Variants in LINGO2 observed in about 807,000 individuals in gnomAD.
The protein encoded by LINGO2 is leucine rich repeat and Ig domain containing 2, also known as leucine-rich repeat and immunoglobulin-like domain-containing nogo receptor-interacting protein 2.
LINGO2 carries 14 observed loss-of-function variants against 30.6 expected under a neutral mutation model. The ratio of observed to expected loss-of-function variants is 0.46; its 90% confidence interval spans 0.30 to 0.72. LINGO2 has a LOEUF of 0.72. LINGO2 is among the 30% of genes least tolerant of loss of function. The probability of loss-of-function intolerance (pLI) is 0.07; values close to 1 mark genes in which losing one functional copy is unlikely to be tolerated. For missense variants in LINGO2, 729 were observed against 751.7 expected (o/e 0.97, Z 0.35); for synonymous variants, 317 against 288.5 (o/e 1.10, Z -1.00).
chr9:28,641,990 A>G (rs1827611411), intron 1 of LINGO2, among the ~76,000 whole-genome samples: 2 of 150,324 alleles, frequency 1.3e-5, no homozygotes, highest in African/African-American at 4.9e-5. Context: ...ATTCTCACAT[A>G]TGCTCTGTAT....
the LINGO2 span, among the ~76,000 whole-genome samples, chr9:28,990,995 A>G: frequency 6.6e-6 from 1 of 152,228 alleles, no homozygotes; most frequent in African/African-American, 2.4e-5. Context: ...CTCACTAGCA[A>G]TGGAACAAAG....
the LINGO2 span, among the ~76,000 whole-genome samples, chr9:29,191,391 C>A: frequency 2.9e-4 from 44 of 152,026 alleles, no homozygotes; most frequent in East Asian, 8.3e-3. Context: ...GAAACTTGAG[C>A]TATATTTTCA....
chr9:29,159,894 T>G, the LINGO2 span, among the ~76,000 whole-genome samples: 2 of 151,732 alleles, frequency 1.3e-5, no homozygotes, highest in Non-Finnish European at 2.9e-5. Context: ...AGTTCAGAAA[T>G]TTCACAACCA....
chr9:28,548,077 A>T (rs1489165163), intron 1 of LINGO2, among the ~76,000 whole-genome samples: 1 of 152,154 alleles, frequency 6.6e-6, no homozygotes, highest in Non-Finnish European at 1.5e-5. Flanking sequence ...AGGAACCTGG[A>T]GAGCTCACAG....
chr9:28,378,147 G>A (rs377526950), intron 2 of LINGO2, among the ~76,000 whole-genome samples: 2 of 152,132 alleles, frequency 1.3e-5, no homozygotes, highest in East Asian at 1.9e-4. Context: ...AAATACAAAC[G>A]CAATTGTAGA....
chr9:28,800,940 A>C, the LINGO2 span, among the ~76,000 whole-genome samples: 3 of 152,106 alleles, frequency 2.0e-5, no homozygotes, highest in Non-Finnish European at 2.9e-5. Flanking sequence ...ACGTAAAAGC[A>C]GATGGACAGT....
rs190814707 is a variant in LINGO2 at position 28,055,587 on chromosome 9, A to G, written c.-86-43182T>C. ...CGTTCGAAGTGTAAGGCTTCAGTCT[A>G]ATTTCTCAAAATGTTTTCTCTCTAT... is the stretch of plus-strand genomic sequence containing the variant. On this transcript the variant is annotated intron_variant, in intron 4 of 5. Coordinates refer to ENST00000379992, the Ensembl canonical transcript of LINGO2. Among the ~76,000 whole-genome samples, 356 of 152,306 alleles carry G rather than the reference A, an allele frequency of 2.3e-3. 3 individuals carry two copies. Among genetic ancestry groups the G allele is most frequent in the African/African-American group, 7.0e-3 (291 of 41,576 alleles).
chr9:28,108,514 A>T (rs1472787147), intron 4 of LINGO2, among the ~76,000 whole-genome samples: 2 of 152,124 alleles, frequency 1.3e-5, no homozygotes, highest in Admixed American at 1.3e-4. Context: ...AAAGTCTGAG[A>T]GTAACATCAA....
rs1385282710 is a variant in LINGO2 at position 28,147,247 on chromosome 9, G to A, written c.-86-134842C>T. On this transcript the variant is annotated intron_variant, in intron 4 of 5. Transcript: ENST00000379992. This position sits in a 1 kb window ranked among gnomAD's most constrained non-coding sequence, Gnocchi z 4.7. ...GTATCCATGATCATGAGGCACACAG[G>A]CCAGAGCGCCAGCTGTGGAATCGCA... 6.6e-6 allele frequency among the ~76,000 whole-genome samples: 1 copy of A among 152,198 alleles called. No homozygotes were observed. The highest frequency in any genetic ancestry group is 6.5e-5 in the Admixed American group (1 of 15,278).
the LINGO2 span, among the ~76,000 whole-genome samples, chr9:28,709,035 A>C: frequency 1.3e-5 from 2 of 152,126 alleles, no homozygotes; most frequent in Non-Finnish European, 2.9e-5. Context: ...CATGTCTTTT[A>C]ATCTTATGTC....
chr9:28,761,135 T>C, the LINGO2 span, among the ~76,000 whole-genome samples: 1 of 151,814 alleles, frequency 6.6e-6, no homozygotes, highest in African/African-American at 2.4e-5. Context: ...AGTAGTGGGA[T>C]TGCTGGATAT....
chr9:28,041,104 G>T (rs533801960), intron 4 of LINGO2, among the ~76,000 whole-genome samples: 159 of 152,278 alleles, frequency 1.0e-3, no homozygotes, highest in African/African-American at 3.6e-3. Context: ...TTCCAAAAAA[G>T]CTACCACTAT....
intron 1 of LINGO2, among the ~76,000 whole-genome samples, chr9:28,522,673 A>G (rs1307779888): frequency 6.6e-6 from 1 of 152,236 alleles, no homozygotes; most frequent in Admixed American, 6.5e-5. Flanking sequence ...TGATAAGAAT[A>G]AGTAATGTGG....
At chr9:28,890,195 T>TTTTGTTTTG in the LINGO2 span, among the ~76,000 whole-genome samples, 6 of 150,982 alleles carry the variant, frequency 4.0e-5, no homozygotes, top group African/African-American at 1.5e-4. Context: ...TTTTCTTGGT[T>TTTTGTTTTG]TTTTGTTTTG....
the LINGO2 span, among the ~76,000 whole-genome samples, chr9:28,727,230 G>T: frequency 6.6e-6 from 1 of 151,950 alleles, no homozygotes; most frequent in African/African-American, 2.4e-5. Context: ...AGGCAGCTGG[G>T]AATAGCGTTA....
chr9:28,793,485 A>T, the LINGO2 span, among the ~76,000 whole-genome samples: 1 of 152,160 alleles, frequency 6.6e-6, no homozygotes, highest in Non-Finnish European at 1.5e-5. Context: ...ACTTTCCCTG[A>T]TCAGTGCAAC....
At chr9:28,541,197 T>A (rs1352216850) in intron 1 of LINGO2, among the ~76,000 whole-genome samples, 1 of 152,142 alleles carries the variant, frequency 6.6e-6, no homozygotes, top group Non-Finnish European at 1.5e-5. Flanking sequence ...TCATTCTATG[T>A]TTAAGATAAT....
chr9:28,034,660 C>T (rs1823845331), intron 4 of LINGO2, among the ~76,000 whole-genome samples: 1 of 152,200 alleles, frequency 6.6e-6, no homozygotes, highest in Non-Finnish European at 1.5e-5. Context: ...AAGGATTTCT[C>T]TCTCAGAACA....
intron 2 of LINGO2, among the ~76,000 whole-genome samples, chr9:28,417,672 C>A (rs1186314839): frequency 6.6e-6 from 1 of 152,168 alleles, no homozygotes; most frequent in Non-Finnish European, 1.5e-5. Context: ...ACATCCCTAA[C>A]AAAATGCCAT....
Sources: gnomAD v4.1 joint callset for allele counts (sites outside exome capture counted in the v4.1 genomes callset) on GRCh38, gnomAD v4.1.1 for gene constraint, Gnocchi (gnomAD v3.1) non-coding constraint, MANE v1.5 for transcripts, NCBI Gene and HGNC (gene_info 2026-07-23, HGNC 2026-07-21) for gene names.